Variants in PIK3C2B observed in about 807,000 individuals in gnomAD.
The protein encoded by PIK3C2B is phosphatidylinositol 4-phosphate 3-kinase C2 domain-containing subunit beta.
A neutral mutation model predicts 184.3 loss-of-function variants in PIK3C2B; 83 were observed. The ratio of observed to expected loss-of-function variants is 0.45; its 90% CI spans 0.38 to 0.54. PIK3C2B has a LOEUF of 0.54. Ranked by LOEUF, PIK3C2B falls within the 20% of genes least tolerant of loss-of-function variation. PIK3C2B has a pLI of 0.00. For synonymous variants in PIK3C2B, 779 were observed against 837.6 expected, an observed-to-expected ratio of 0.93 and a Z score of 1.21; for missense variants, 1,736 against 2,113.5, an observed-to-expected ratio of 0.82 and a Z score of 3.50.
intron 2 of PIK3C2B, among the ~76,000 whole-genome samples, chr1:204,467,912 G>C (rs1426651749): frequency 6.6e-6 from 1 of 151,760 alleles, no homozygotes; most frequent in Non-Finnish European, 1.5e-5. Flanking sequence ...GGTTTCCAGG[G>C]ACCAAGGATG....
At chr1:204,458,343 C>T (rs1655039251) in intron 8 of PIK3C2B, among the ~76,000 whole-genome samples, 1 of 152,124 alleles carries the variant, frequency 6.6e-6, no homozygotes, top group Non-Finnish European at 1.5e-5. Flanking sequence ...ATTCTACCTC[C>T]TGCATAAAGC....
At chr1:204,431,893 G>T in intron 27 of PIK3C2B, 100 bp from the exon 28 acceptor site, 1 of 1,336,098 alleles carries the variant, frequency 7.5e-7, no homozygotes. Context: ...TGAGGGGAGG[G>T]GCACATTCCA....
At chr1:204,457,956 A>G in intron 8 of PIK3C2B, 82 bp from the exon 9 acceptor site, 1 of 1,304,592 alleles carries the variant, frequency 7.7e-7, no homozygotes, top group African/African-American at 1.5e-5. Flanking sequence ...CAGTCTTTAA[A>G]GGAAAGGGTT....
chr1:204,428,027 G>A, intron 30 of PIK3C2B, 112 bp downstream of exon 30: 1 of 680,002 alleles, frequency 1.5e-6, no homozygotes, highest in Non-Finnish European at 2.6e-6. Flanking sequence ...AGTAAGAAAA[G>A]GAACAGGAGG....
In PIK3C2B at chr1:204,443,579, G is replaced by C; in HGVS notation, c.2886C>G (p.Leu962=). 1 of 1,614,182 alleles carries C rather than the reference G, an allele frequency of 6.2e-7. No individual in the cohort carries two copies. The highest frequency in any genetic ancestry group is 8.5e-7 in the Non-Finnish European group (1 of 1,180,006). ...AGCGGATGCTGAACTGAGAGTCCTT[G>C]AGGCCGTCCTTCAGTAACCTGCAAG... is the stretch of plus-strand genomic sequence containing the variant. ...HYFFWLLKDG[L]KDSQFSIRYQ... is the part of the protein sequence containing the mutation. Residue 962 remains leucine, a synonymous_variant, in exon 19 of 33, where the codon CTC becomes CTG. Transcript: ENST00000684373.
chr1:204,443,818 C>T (rs1653599380), intron 18 of PIK3C2B, among the ~76,000 whole-genome samples: 1 of 152,214 alleles, frequency 6.6e-6, no homozygotes, highest in Non-Finnish European at 1.5e-5. Context: ...CACAGCCCCT[C>T]TGCATCTTGT....
chr1:204,461,858 T>C lies in PIK3C2B; in HGVS notation c.1311-1197A>G, dbSNP rs575337009. On this transcript the variant is annotated intron_variant, in intron 5 of 32. Coordinates refer to ENST00000684373, the MANE Select transcript of PIK3C2B (RefSeq NM_001377334.1). ...GGTTCTTATCTGAGAGCAGCCTGCA[T>C]CCTGAACCCACTCACCCCCTCAGTA... 2.6e-5 allele frequency among the ~76,000 whole-genome samples: 4 copies of C among 152,130 alleles called. No individual in the cohort carries two copies. The South Asian group carries it at 8.3e-4, about 32-fold the overall frequency.
At position 204,433,239 on chromosome 1, in the gene PIK3C2B, GTCC is replaced by G. The variant is rs61757998; in HGVS notation, c.3953+74_3953+76del. The G allele has an allele frequency of 2.1e-3, 1,649 of 803,316 alleles. 17 individuals are homozygous for G. The African/African-American group carries it at 0.024, about 12-fold the overall frequency. The allele number at this position is 803,316 out of a possible 1,614,324, so 49.8% of individuals were successfully genotyped here. A position where few individuals can be genotyped will look rare whatever the true frequency, so the allele number is the denominator to read the frequency against. On this transcript the variant is annotated intron_variant, in intron 26 of 32. Transcript: ENST00000684373. The surrounding 1 kb of genome is among the most constrained non-coding windows in gnomAD (Gnocchi z 5.0). ...GAGCTAAGCTTTTCACCTTTCCCCA[GTCC>G]TCCTCCTGCCAATCCGGCAGGCTGG... is the stretch of plus-strand genomic sequence containing the variant.
intron 17 of PIK3C2B, 22 bp downstream of exon 17, chr1:204,444,309 G>A (rs1333255313): frequency 1.3e-6 from 2 of 1,598,526 alleles, no homozygotes; most frequent in Non-Finnish European, 1.7e-6. Flanking sequence ...AGCAAAACTG[G>A]AGGGAGGACC....
At chr1:204,460,807 A>G in intron 5 of PIK3C2B, 146 bp from the exon 6 acceptor site, 1 of 635,014 alleles carries the variant, frequency 1.6e-6, no homozygotes, top group South Asian at 1.8e-5. Flanking sequence ...TGGCTCCTAG[A>G]AAATGACACG....
intron 11 of PIK3C2B, 97 bp downstream of exon 11, chr1:204,455,758 TA>T: frequency 1.0e-6 from 1 of 966,580 alleles, no homozygotes; most frequent in Non-Finnish European, 1.5e-6. Context: ...CCACACATCC[TA>T]AGACTTAGGA....
Position 204,469,889 on chromosome 1 carries a change from G to A in PIK3C2B, c.-84-3C>T. Reference sequence around the variant, plus strand: ...GTTGTGACATGGTGTCTGGGCGCCTGCAGGTGAGGGGTAAAAATATCAATC... The same window carrying A: ...GTTGTGACATGGTGTCTGGGCGCCTACAGGTGAGGGGTAAAAATATCAATC... On this transcript the variant is annotated splice_region_variant and splice_polypyrimidine_tract_variant and intron_variant, in intron 1 of 32. Transcript: ENST00000684373. 2 of 768,100 alleles carry A rather than the reference G, an allele frequency of 2.6e-6. No individual in the cohort carries two copies. Among genetic ancestry groups the A allele is most frequent in the Middle Eastern group, 3.2e-4 (1 of 3,148 alleles). The allele number at this position is 768,100 out of a possible 1,614,324, so 47.6% of individuals were successfully genotyped here.
At chr1:204,436,523 A>G (rs1675353319) in intron 23 of PIK3C2B, among the ~76,000 whole-genome samples, 1 of 151,038 alleles carries the variant, frequency 6.6e-6, no homozygotes, top group Non-Finnish European at 1.5e-5. Flanking sequence ...ACCCTGCCTC[A>G]AAAAAAAAGA....
At chr1:204,464,797 A>T (rs892270486) in intron 3 of PIK3C2B, among the ~76,000 whole-genome samples, 193 bp from the exon 4 acceptor site, 1 of 152,206 alleles carries the variant, frequency 6.6e-6, no homozygotes, top group Non-Finnish European at 1.5e-5. Flanking sequence ...CACTTCTCTT[A>T]TAATTGCAAA....
At chr1:204,458,014 A>C in intron 8 of PIK3C2B, 140 bp from the exon 9 acceptor site, 1 of 691,282 alleles carries the variant, frequency 1.4e-6, no homozygotes, top group Non-Finnish European at 2.4e-6. Context: ...TGTGCAATAC[A>C]TTTTATTTTC....
Position 204,457,713 on chromosome 1 carries a change from C to T in PIK3C2B, c.1713+15G>A. On this transcript the variant is annotated intron_variant, in intron 9 of 32. Transcript: ENST00000684373. ...CTCTCTTCCTTTCCCCTGCTAGCAC[C>T]CTGGGCCCCTTTACCTTCTGAATTT... is the stretch of plus-strand genomic sequence containing the variant. 2 of 1,596,508 alleles carry T rather than the reference C, an allele frequency of 1.3e-6. No individual in the cohort carries two copies. Among genetic ancestry groups the T allele is most frequent in the Non-Finnish European group, 1.7e-6 (2 of 1,172,466 alleles).
At chr1:204,441,066 C>A (rs1232485357) in intron 21 of PIK3C2B, among the ~76,000 whole-genome samples, 3 of 152,208 alleles carry the variant, frequency 2.0e-5, no homozygotes, top group Non-Finnish European at 4.4e-5. Context: ...ATTGTGGATA[C>A]ATCAGAGTTA....
At chr1:204,463,930 C>T (rs1655536536) in intron 5 of PIK3C2B, 82 bp downstream of exon 5, 5 of 1,436,676 alleles carry the variant, frequency 3.5e-6, no homozygotes, top group East Asian at 2.3e-5. Context: ...GCTGCCAGGC[C>T]GGTCCCAGCA....
At chr1:204,474,701 C>T (rs1440392626) in intron 1 of PIK3C2B, among the ~76,000 whole-genome samples, 1 of 152,094 alleles carries the variant, frequency 6.6e-6, no homozygotes, top group Admixed American at 6.5e-5. Flanking sequence ...CTTGGGCAAT[C>T]TCATCTATTC....
Sources: allele counts gnomAD v4.1 joint callset (sites outside exome capture counted in the v4.1 genomes callset), GRCh38; gene constraint gnomAD v4.1.1; non-coding constraint Gnocchi (gnomAD v3.1); transcripts MANE v1.5; gene names NCBI Gene and HGNC (gene_info 2026-07-23, HGNC 2026-07-21).